Variants in CD96 observed in about 807,000 individuals in gnomAD.
The protein encoded by CD96 is CD96 molecule, also known as T-cell surface protein tactile.
CD96 carries 70 observed loss-of-function variants against 71.3 expected under a neutral mutation model. The ratio of observed to expected loss-of-function variants is 0.98; its 90% CI spans 0.81 to 1.20. The LOEUF (loss-of-function observed/expected upper bound fraction) is 1.20. Ranked by LOEUF, CD96 falls within the 50% of genes most tolerant of loss-of-function variation. The pLI, the probability that CD96 is intolerant of heterozygous loss-of-function variation, is 0.00. For synonymous variants in CD96, 248 were observed against 233.0 expected, an observed-to-expected ratio of 1.06 and a Z score of -0.59; for missense variants, 742 against 677.5, an observed-to-expected ratio of 1.10 and a Z score of -1.06.
intron 5 of CD96, among the ~76,000 whole-genome samples, chr3:111,595,868 A>G (rs1314855468): frequency 6.6e-6 from 1 of 152,116 alleles, no homozygotes. Context: ...GAAAGATAGA[A>G]ATGGCATTGC....
chr3:111,634,980 T>G (rs569963038), intron 10 of CD96: 5 of 153,304 alleles, frequency 3.3e-5, no homozygotes, highest in African/African-American at 1.2e-4. Flanking sequence ...TAGCCAAATT[T>G]TCACATTCTG....
chr3:111,662,221 G>C (rs1177924910), intron 14 of CD96, among the ~76,000 whole-genome samples: 1 of 152,214 alleles, frequency 6.6e-6, no homozygotes, highest in African/African-American at 2.4e-5. Context: ...TACCAAGGCT[G>C]CACAGAGCAG....
chr3:111,570,820 T>C lies in CD96; in HGVS notation c.543+3173T>C, dbSNP rs573363620. 220 of 1,613,400 alleles carry C rather than the reference T, an allele frequency of 1.4e-4. No homozygotes were observed. The African/African-American group carries it at 2.7e-3, about 19-fold the overall frequency. On this transcript the variant is annotated intron_variant, in intron 3 of 13. Coordinates refer to ENST00000352690, the MANE Select transcript of CD96 (RefSeq NM_005816.5). ...GCAGGTGGCCCTGGAGGCACCGGGA[T>C]GGGGGACCCCAGGCTTGTGGCTCCA...
At chr3:111,612,146 C>A (rs1213843719) in intron 8 of CD96, among the ~76,000 whole-genome samples, 1 of 152,058 alleles carries the variant, frequency 6.6e-6, no homozygotes, top group Non-Finnish European at 1.5e-5. Flanking sequence ...AGGAAAACAG[C>A]AGTTATGTAT....
At position 111,547,697 on chromosome 3, in the gene CD96, C is replaced by T. The variant is rs547599019; in HGVS notation, c.418+2295C>T. On this transcript the variant is annotated intron_variant, in intron 2 of 13. Transcript: ENST00000352690. ...TGCAGGTCACTGGAGAGGCAGAAAC[C>T]GTATCTATACTTTTTGCGGTTGGAA... Among the ~76,000 whole-genome samples the T allele has an allele frequency of 1.1e-4, 16 of 152,208 alleles. No homozygotes were observed. In the East Asian group the frequency reaches 1.4e-3, roughly 13 times the overall value.
intron 5 of CD96, chr3:111,594,219 G>A (rs376862355): frequency 1.0e-4 from 162 of 1,568,168 alleles, no homozygotes; most frequent in African/African-American, 3.1e-4. Context: ...CTTCTACAGC[G>A]TTCTTTATGA....
In CD96 at chr3:111,600,827, A is replaced by T. The variant is rs199637076; in HGVS notation, c.1000A>T (p.Asn334Tyr). 2.9e-5 allele frequency: 47 copies of T among 1,613,048 alleles called. No homozygotes were observed. The highest frequency in any genetic ancestry group is 3.9e-5 in the Non-Finnish European group (46 of 1,179,120). ...TAGTAATAAACCAGCCCAATCAGAC[A>T]ACTTGACCATTTGGTGTATGGCTCT... ...VHSNKPAQSDNLTIWCMALSP... is the reference protein window; with the variant it reads ...VHSNKPAQSDYLTIWCMALSP... Residue 334 changes from asparagine to tyrosine, a missense_variant, in exon 7 of 14, where the codon AAC becomes TAC. Transcript: ENST00000352690.
intron 3 of CD96, among the ~76,000 whole-genome samples, chr3:111,577,764 A>T (rs925446225): frequency 6.6e-6 from 1 of 152,152 alleles, no homozygotes; most frequent in Non-Finnish European, 1.5e-5. Flanking sequence ...TTCTGCCCAT[A>T]CTTGAATGTG....
chr3:111,570,631 C>T (rs1234435818), intron 3 of CD96: 1 of 1,597,352 alleles, frequency 6.3e-7, no homozygotes, highest in East Asian at 2.2e-5. Context: ...AGGCGCATGG[C>T]AGCTCACACG....
Position 111,618,160 on chromosome 3 carries a change from G to A in CD96, c.1181-5594G>A, listed in dbSNP as rs115719345. Among the ~76,000 whole-genome samples the A allele has an allele frequency of 2.3e-3, 343 of 152,284 alleles. 1 individual carries two copies. Among genetic ancestry groups the A allele is most frequent in the African/African-American group, 8.0e-3 (333 of 41,552 alleles). ...CACACCCCTTGCTGCTCTGCACCTG[G>A]CTCACCCTTGGCAGGTGTGGGATCC... is the stretch of plus-strand genomic sequence containing the variant. On this transcript the variant is annotated intron_variant, in intron 8 of 13. Coordinates refer to ENST00000352690, the MANE Select transcript of CD96 (RefSeq NM_005816.5).
intron 6 of CD96, among the ~76,000 whole-genome samples, chr3:111,599,773 A>G (rs574298703): frequency 6.6e-6 from 1 of 152,344 alleles, no homozygotes; most frequent in East Asian, 1.9e-4. Flanking sequence ...TAAGCCCTGC[A>G]TAGGCAAAGC....
chr3:111,605,941 C>T (rs912556076), intron 7 of CD96, among the ~76,000 whole-genome samples: 11 of 152,168 alleles, frequency 7.2e-5, no homozygotes, highest in African/African-American at 2.7e-4. Flanking sequence ...ACTTCAAAAT[C>T]ATCTAAGCAC....
chr3:111,603,334 C>T (rs1937541309), intron 7 of CD96, among the ~76,000 whole-genome samples: 2 of 151,936 alleles, frequency 1.3e-5, no homozygotes, highest in South Asian at 4.2e-4. Context: ...GTCCCTGTTA[C>T]CTCGGGAGGC....
downstream of CD96, among the ~76,000 whole-genome samples, chr3:111,652,857 C>A (rs1213709010): frequency 6.6e-6 from 1 of 151,832 alleles, no homozygotes; most frequent in Non-Finnish European, 1.5e-5. Context: ...CTGACTCAAC[C>A]AGCAACTCCT....
chr3:111,583,149 A>C (rs1281014904), intron 4 of CD96, among the ~76,000 whole-genome samples: 1 of 152,242 alleles, frequency 6.6e-6, no homozygotes, highest in East Asian at 1.9e-4. Flanking sequence ...TGGCCAAAAC[A>C]AAGGGGCTGC....
Position 111,649,715 on chromosome 3 carries a change from C to A in CD96, c.1619C>A (p.Pro540His). 1 of 1,613,292 alleles carries A rather than the reference C, an allele frequency of 6.2e-7. No individual in the cohort carries two copies. Among genetic ancestry groups the A allele is most frequent in the Non-Finnish European group, 8.5e-7 (1 of 1,179,200 alleles). Residue 540 changes from proline to histidine, a missense_variant, in exon 14 of 14, where the codon CCT becomes CAT. Physicochemically the swap from Pro to His is moderately conservative, Grantham distance 77 (BLOSUM62 -2). Transcript: ENST00000352690. ...GTTCCTAGAATGGAAAGACCTCCAC[C>A]TTTCAAGCCACCACCACCTCCCATC... Reference protein sequence around the residue: ...YQKEIMERPPPFKPPPPPIKY... With the variant: ...YQKEIMERPPHFKPPPPPIKY...
intron 6 of CD96, among the ~76,000 whole-genome samples, chr3:111,599,946 A>G (rs1937419136): frequency 6.6e-6 from 1 of 152,220 alleles, no homozygotes; most frequent in South Asian, 2.1e-4. Flanking sequence ...ACATATAGTG[A>G]TAGTTGGTTT....
At position 111,600,833 on chromosome 3, in the gene CD96, A is replaced by G. The variant is rs763751063; in HGVS notation, c.1006A>G (p.Thr336Ala). 2 of 1,612,998 alleles carry G rather than the reference A, an allele frequency of 1.2e-6. No homozygotes were observed. Among genetic ancestry groups the G allele is most frequent in the South Asian group, 2.2e-5 (2 of 91,064 alleles). Reference protein sequence around the residue: ...SNKPAQSDNLTIWCMALSPVP... With the variant: ...SNKPAQSDNLAIWCMALSPVP... ...TAAACCAGCCCAATCAGACAACTTG[A>G]CCATTTGGTGTATGGCTCTGTCTCC... The change falls in exon 7 of 14, where the codon ACC (threonine) becomes GCC (alanine). Residue 336 changes from threonine to alanine, a missense_variant. Physicochemically the swap from Thr to Ala is moderately conservative, Grantham distance 58. Coordinates refer to ENST00000352690, the MANE Select transcript of CD96 (RefSeq NM_005816.5).
At chr3:111,585,952 G>A (rs1936694140) in intron 5 of CD96, among the ~76,000 whole-genome samples, 1 of 152,112 alleles carries the variant, frequency 6.6e-6, no homozygotes, top group Admixed American at 6.5e-5. Flanking sequence ...ACTAGGATCT[G>A]GACTCAATTT....
Sources: gnomAD v4.1 joint callset for allele counts (sites outside exome capture counted in the v4.1 genomes callset) on GRCh38, gnomAD v4.1.1 for gene constraint, MANE v1.5 for transcripts, NCBI Gene and HGNC (gene_info 2026-07-23, HGNC 2026-07-21) for gene names.